The following DDAH1 variants were observed in gnomAD, a reference collection of about 807,000 sequenced individuals.
DDAH1 encodes N(G),N(G)-dimethylarginine dimethylaminohydrolase 1.
DDAH1 carries 19 observed loss-of-function variants against 28.8 expected under a neutral mutation model. The observed-to-expected ratio is 0.66, with a 90% CI of 0.46 to 0.97. DDAH1 has a LOEUF of 0.97. Ranked by LOEUF, DDAH1 falls within the 50% of genes least tolerant of loss-of-function variation. The pLI is 0.00. For synonymous variants in DDAH1, 153 were observed against 154.4 expected, an observed-to-expected ratio of 0.99 and a Z score of 0.07; for missense variants, 326 against 375.9, an observed-to-expected ratio of 0.87 and a Z score of 1.10.
At chr1:85,545,524 G>A (rs1384403154) in intron 1 of DDAH1, among the ~76,000 whole-genome samples, 1 of 152,170 alleles carries the variant, frequency 6.6e-6, no homozygotes, top group Non-Finnish European at 1.5e-5. Context: ...AGTGGGGCCT[G>A]CTTTCTCTAG....
chr1:85,468,525 T>TC (rs954927740), upstream of DDAH1, among the ~76,000 whole-genome samples: 1 of 150,960 alleles, frequency 6.6e-6, no homozygotes, highest in Non-Finnish European at 1.5e-5. Flanking sequence ...ACTCTCCTTT[T>TC]TTTTTTTTTT....
At chr1:85,346,676 T>C (rs1488422069) in intron 4 of DDAH1, among the ~76,000 whole-genome samples, 1 of 152,194 alleles carries the variant, frequency 6.6e-6, no homozygotes, top group African/African-American at 2.4e-5. Flanking sequence ...AGTGATATAT[T>C]TGTCTCTATT....
rs894876426 is a variant in DDAH1, at chr1:85,319,244, G to A, written c.*2208C>T. ...GTAACATAGCAGAGCAGAATGCAAT[G>A]TAGAAGAGGCACACAGAGTCTAAGT... On this transcript the variant is annotated 3_prime_UTR_variant, in exon 6 of 6. Transcript: ENST00000284031. The A allele has an allele frequency of 1.3e-5, 2 of 152,170 alleles. No individual in the cohort carries two copies. Among genetic ancestry groups the A allele is most frequent in the Non-Finnish European group, 1.5e-5 (1 of 68,028 alleles). The allele number at this position is 152,170 out of a possible 1,614,324, so 9.4% of individuals were successfully genotyped here. A position where few individuals can be genotyped will look rare whatever the true frequency, so the allele number is the denominator to read the frequency against.
intron 1 of DDAH1, among the ~76,000 whole-genome samples, chr1:85,509,825 A>C (rs1402422955): frequency 6.6e-6 from 1 of 152,212 alleles, no homozygotes; most frequent in East Asian, 1.9e-4. Context: ...GCCTCCAAGA[A>C]ATATGTGACT....
In DDAH1 at chr1:85,577,533, A is replaced by C. The variant is rs542275497; in HGVS notation, c.-123+451T>G. Reference sequence around the variant, plus strand: ...CCGGTCGTCCAGGGCAGTGGTGCTCAGGGTGTGATCTCCGGACCAGCAGCA... The same window carrying C: ...CCGGTCGTCCAGGGCAGTGGTGCTCCGGGTGTGATCTCCGGACCAGCAGCA... On this transcript the variant is annotated intron_variant, in intron 1 of 6. Coordinates refer to the DDAH1 transcript ENST00000426972. Among the ~76,000 whole-genome samples the C allele has an allele frequency of 2.6e-5, 4 of 152,274 alleles. No homozygotes were observed. In the East Asian group the frequency reaches 7.7e-4, roughly 29 times the overall value.
At chr1:85,511,319 T>G (rs192630142) in intron 1 of DDAH1, among the ~76,000 whole-genome samples, 39 of 152,226 alleles carry the variant, frequency 2.6e-4, no homozygotes, top group African/African-American at 9.1e-4. Flanking sequence ...AAAGACACAA[T>G]GTACCAGAGT....
chr1:85,347,093 A>G (rs1345427197), intron 4 of DDAH1, among the ~76,000 whole-genome samples: 3 of 151,926 alleles, frequency 2.0e-5, no homozygotes, highest in East Asian at 1.9e-4. Context: ...TTAGAATGGC[A>G]ATCATTAAAA....
At chr1:85,321,903 CTTTATT>C (rs951868153) in intron 5 of DDAH1, among the ~76,000 whole-genome samples, 8 of 152,216 alleles carry the variant, frequency 5.3e-5, no homozygotes, top group African/African-American at 1.9e-4. Context: ...TCTCTTCACA[CTTTATT>C]TTTATTTATT....
intron 1 of DDAH1, among the ~76,000 whole-genome samples, chr1:85,551,113 A>T (rs1374500086): frequency 6.6e-6 from 1 of 152,212 alleles, no homozygotes; most frequent in African/African-American, 2.4e-5. Flanking sequence ...GTGACCACAG[A>T]AGTTGACAAT....
chr1:85,476,256 T>C (rs1655800739), intron 2 of DDAH1, among the ~76,000 whole-genome samples: 1 of 152,236 alleles, frequency 6.6e-6, no homozygotes, highest in Non-Finnish European at 1.5e-5. Flanking sequence ...TGCATTTACT[T>C]TTCTTACTCT....
chr1:85,479,335 G>A (rs1341187379), intron 2 of DDAH1, among the ~76,000 whole-genome samples: 4 of 150,982 alleles, frequency 2.6e-5, no homozygotes, highest in Admixed American at 6.6e-5. Context: ...CACCGCGCCC[G>A]GCTAATTTTT....
intron 1 of DDAH1, among the ~76,000 whole-genome samples, chr1:85,425,134 C>G (rs1653336942): frequency 6.6e-6 from 1 of 152,060 alleles, no homozygotes; most frequent in Middle Eastern, 3.2e-3. Context: ...CATTAACTAC[C>G]AGATGAAGTT....
chr1:85,479,159 C>CTTTTT (rs35629726), intron 2 of DDAH1, among the ~76,000 whole-genome samples: 105 of 78,618 alleles, frequency 1.3e-3, no homozygotes, highest in Admixed American at 2.9e-3. Context: ...TTCTGTTTTT[C>CTTTTT]TTTTTTTTTT....
At chr1:85,333,910 A>G (rs1190498350) in intron 4 of DDAH1, among the ~76,000 whole-genome samples, 1 of 152,236 alleles carries the variant, frequency 6.6e-6, no homozygotes, top group Non-Finnish European at 1.5e-5. Context: ...GTCTAGCAAG[A>G]GATTTAGAAA....
chr1:85,419,250 G>A (rs1653022010), intron 1 of DDAH1, among the ~76,000 whole-genome samples: 1 of 151,922 alleles, frequency 6.6e-6, no homozygotes, highest in African/African-American at 2.4e-5. Context: ...AGAAAGTTTG[G>A]GTAATGTGGC....
intron 1 of DDAH1, among the ~76,000 whole-genome samples, chr1:85,440,115 G>C (rs1455692070): frequency 6.6e-6 from 1 of 152,086 alleles, no homozygotes; most frequent in Admixed American, 6.5e-5. Flanking sequence ...AGCTTATTAA[G>C]ATTTTTTTCT....
chr1:85,351,050 G>C (rs950578970), intron 3 of DDAH1, among the ~76,000 whole-genome samples: 1 of 151,254 alleles, frequency 6.6e-6, no homozygotes, highest in East Asian at 1.9e-4. Context: ...AGAGTCAATT[G>C]GGTTTCCAAG....
intron 1 of DDAH1, among the ~76,000 whole-genome samples, chr1:85,518,045 ATTT>A (rs933703417): frequency 6.6e-6 from 1 of 152,210 alleles, no homozygotes; most frequent in African/African-American, 2.4e-5. Flanking sequence ...GAAATATAGC[ATTT>A]TTAGAACAGA....
chr1:85,565,199 T>TAA (rs112088658), intron 1 of DDAH1, among the ~76,000 whole-genome samples: 5,588 of 149,990 alleles, frequency 0.037, 328 homozygotes, highest in African/African-American at 0.13. Flanking sequence ...GAGACTCCGT[T>TAA]AAAAAAAAAA....
Sources: allele counts gnomAD v4.1 joint callset (sites outside exome capture counted in the v4.1 genomes callset), GRCh38; gene constraint gnomAD v4.1.1; transcripts MANE v1.5; gene names NCBI Gene and HGNC (gene_info 2026-07-23, HGNC 2026-07-21).